The following AFF3 variants were observed in gnomAD, a reference collection of about 807,000 sequenced individuals.
The protein encoded by AFF3 is ALF transcription elongation factor 3.
In AFF3, 32 loss-of-function variants were observed where a neutral mutation model predicts 129.7. The observed-to-expected ratio is 0.25, with a 90% CI of 0.19 to 0.33. The LOEUF (loss-of-function observed/expected upper bound fraction) is 0.33, where lower values mean the gene tolerates loss of function less well. Ranked by LOEUF, AFF3 falls within the 10% of genes least tolerant of loss-of-function variation. The pLI, the probability that AFF3 is intolerant of heterozygous loss-of-function variation, is 1.00. For synonymous variants in AFF3, 644 were observed against 635.4 expected, an observed-to-expected ratio of 1.01 and a Z score of -0.20; for missense variants, 1,373 against 1,592.0, an observed-to-expected ratio of 0.86 and a Z score of 2.34.
intron 2 of AFF3, among the ~76,000 whole-genome samples, chr2:100,119,213 C>G (rs2105551529): frequency 6.6e-6 from 1 of 152,306 alleles, no homozygotes; most frequent in South Asian, 2.1e-4. Context: ...GTCTTAATGC[C>G]TTTACTAGCT....
intron 7 of AFF3, among the ~76,000 whole-genome samples, chr2:99,981,306 C>T (rs1679380291): frequency 6.6e-6 from 1 of 152,220 alleles, no homozygotes; most frequent in African/African-American, 2.4e-5. Flanking sequence ...GCATGAGCCA[C>T]CGTGCCCGGC....
intron 7 of AFF3, among the ~76,000 whole-genome samples, chr2:99,901,693 C>A (rs899185482): frequency 2.0e-4 from 31 of 152,188 alleles, no homozygotes; most frequent in African/African-American, 7.0e-4. Context: ...AGTACTGAGT[C>A]TAGCTCAAGC....
chr2:99,599,469 G>A (rs1679607270), intron 14 of AFF3, among the ~76,000 whole-genome samples: 1 of 152,162 alleles, frequency 6.6e-6, no homozygotes, highest in Non-Finnish European at 1.5e-5. Flanking sequence ...ATGTTGGTCA[G>A]GCTGGTCTTG....
chr2:100,011,647 A>C, intron 4 of AFF3: 2 of 768,816 alleles, frequency 2.6e-6, no homozygotes, highest in East Asian at 4.9e-5. Flanking sequence ...AGCGTGCATG[A>C]GTCTGTCAGC....
intron 8 of AFF3, among the ~76,000 whole-genome samples, chr2:99,773,542 G>C (rs183800109): frequency 2.0e-5 from 3 of 151,988 alleles, no homozygotes; most frequent in Admixed American, 1.3e-4. Context: ...AGGTGGTGGG[G>C]GTGGAGGTTG....
At chr2:99,606,639 C>T (rs905297094) in intron 13 of AFF3, among the ~76,000 whole-genome samples, 6 of 151,910 alleles carry the variant, frequency 3.9e-5, no homozygotes, top group African/African-American at 7.3e-5. Flanking sequence ...TACTTCAGGA[C>T]GGGCGCGGTG....
chr2:99,590,304 C>T (rs995832392), intron 15 of AFF3, among the ~76,000 whole-genome samples: 6 of 152,334 alleles, frequency 3.9e-5, no homozygotes, highest in African/African-American at 9.6e-5. Flanking sequence ...GAGGCAGAAG[C>T]GCAGGCAGAA....
intron 8 of AFF3, among the ~76,000 whole-genome samples, chr2:99,753,419 G>A (rs912083519): frequency 6.6e-6 from 1 of 152,108 alleles, no homozygotes; most frequent in African/African-American, 2.4e-5. Context: ...TTCTTGATTT[G>A]CCTGCACTTC....
At chr2:99,777,968 A>C (rs1043041641) in intron 8 of AFF3, among the ~76,000 whole-genome samples, 5 of 151,718 alleles carry the variant, frequency 3.3e-5, no homozygotes, top group South Asian at 2.1e-4. Flanking sequence ...AAAAAAAAAA[A>C]AAACAAAATG....
At chr2:99,578,581 G>T in intron 17 of AFF3, 130 bp from the exon 18 acceptor site, 1 of 1,377,092 alleles carries the variant, frequency 7.3e-7, no homozygotes, top group Non-Finnish European at 9.7e-7. Context: ...TAGAATTGAT[G>T]GTGATTTTGT....
At chr2:99,589,633 T>C (rs1464098538) in intron 15 of AFF3, among the ~76,000 whole-genome samples, 1 of 152,024 alleles carries the variant, frequency 6.6e-6, no homozygotes, top group African/African-American at 2.4e-5. Context: ...TCTCTTGATC[T>C]CGTGATCTGC....
At chr2:99,933,011 A>AATTTGCCT (rs1674179242) in intron 7 of AFF3, among the ~76,000 whole-genome samples, 2 of 152,174 alleles carry the variant, frequency 1.3e-5, no homozygotes, top group Admixed American at 1.3e-4. Flanking sequence ...GGCAAACTGG[A>AATTTGCCT]TTCAGTTTTC....
chr2:99,777,957 A>C (rs1056372455), intron 8 of AFF3, among the ~76,000 whole-genome samples: 10 of 151,174 alleles, frequency 6.6e-5, no homozygotes, highest in Admixed American at 3.9e-4. Flanking sequence ...CAAAAAAAAA[A>C]AAAAAAAAAA....
chr2:99,560,349 G>A lies in AFF3; in HGVS notation c.3191+16C>T, dbSNP rs371397474. 6.9e-5 allele frequency: 112 copies of A among 1,613,366 alleles called. No individual in the cohort carries two copies. The South Asian group carries it at 9.2e-4, about 13-fold the overall frequency. ...CGAGGCTGGGGCTGCTATTCTAAGC[G>A]GAGATGGGCACTCACCATAATGCAG... is the stretch of plus-strand genomic sequence containing the variant. On this transcript the variant is annotated intron_variant, in intron 21 of 24. Coordinates refer to ENST00000672756, the MANE Select transcript of AFF3 (RefSeq NM_001386135.1).
In AFF3 at chr2:99,547,272, A is replaced by C. The variant is rs1674104710; in HGVS notation, c.*4202T>G. ...CTCTCATTTACAACATAAATCATTTAATGTAACATTTGCAACCTTAGAAAG... is the reference window on the plus strand; with the variant it reads ...CTCTCATTTACAACATAAATCATTTCATGTAACATTTGCAACCTTAGAAAG... On this transcript the variant is annotated 3_prime_UTR_variant, in exon 25 of 25. Transcript: ENST00000672756. The C allele has an allele frequency of 9.2e-6, 2 of 216,424 alleles. No individual in the cohort carries two copies. The highest frequency in any genetic ancestry group is 1.9e-5 in the Non-Finnish European group (2 of 107,154). 13.4% of individuals were successfully genotyped at this position (216,424 alleles called of 1,614,324 possible).
At chr2:100,062,311 T>C (rs899398989) in intron 4 of AFF3, among the ~76,000 whole-genome samples, 6 of 152,234 alleles carry the variant, frequency 3.9e-5, no homozygotes, top group Non-Finnish European at 8.8e-5. Context: ...CAGCTCAGGC[T>C]TCCAGAAGTA....
rs140220013 is a variant in AFF3 at position 99,642,216 on chromosome 2, T to A, written c.1184+7410A>T. On this transcript the variant is annotated intron_variant, in intron 13 of 24. Transcript: ENST00000672756. ...CGCTACAAGAGACTTCTCGATAGCA[T>A]CATATAGTTCTCTTTTGTTATTGAG... Among the ~76,000 whole-genome samples the A allele has an allele frequency of 7.8e-4, 119 of 152,238 alleles. 3 individuals carry two copies. The East Asian group carries it at 0.014, about 18-fold the overall frequency.
intron 2 of AFF3, among the ~76,000 whole-genome samples, chr2:100,111,228 A>G (rs1340642841): frequency 6.6e-6 from 1 of 152,234 alleles, no homozygotes; most frequent in African/African-American, 2.4e-5. Context: ...CCATTAGAGA[A>G]GTCACAGTCC....
chr2:99,794,836 G>C (rs750716322), intron 8 of AFF3, among the ~76,000 whole-genome samples: 5 of 152,140 alleles, frequency 3.3e-5, no homozygotes, highest in Non-Finnish European at 7.4e-5. Context: ...ATGGGATCAT[G>C]ATTCTGTACT....
Sources: allele counts gnomAD v4.1 joint callset (sites outside exome capture counted in the v4.1 genomes callset), GRCh38; gene constraint gnomAD v4.1.1; transcripts MANE v1.5; gene names NCBI Gene and HGNC (gene_info 2026-07-23, HGNC 2026-07-21).